MAP4K4: variants seen among roughly 807,000 people sequenced by gnomAD.
The protein encoded by MAP4K4 is mitogen-activated protein kinase kinase kinase kinase 4, also known as HPK/GCK-like kinase HGK.
MAP4K4 carries 38 observed loss-of-function variants against 189.6 expected under a neutral mutation model. The ratio of observed to expected loss-of-function variants is 0.20; its 90% CI spans 0.15 to 0.26. MAP4K4 has a LOEUF of 0.26. MAP4K4 is among the 10% of genes least tolerant of loss of function. MAP4K4 has a pLI of 1.00. For missense variants in MAP4K4, 1,054 were observed against 1,726.9 expected (o/e 0.61, Z 6.91); for synonymous variants, 610 against 624.3 (o/e 0.98, Z 0.34).
At chr2:101,854,439 G>T (rs1305214968) in intron 12 of MAP4K4, among the ~76,000 whole-genome samples, 1 of 152,146 alleles carries the variant, frequency 6.6e-6, no homozygotes, top group East Asian at 1.9e-4. Context: ...GGGAAAAGGA[G>T]ATTCCCCCAT....
intron 25 of MAP4K4, 29 bp downstream of exon 25, chr2:101,873,793 T>C: frequency 3.4e-6 from 5 of 1,471,904 alleles, no homozygotes; most frequent in Non-Finnish European, 4.7e-6. Context: ...AGAAAGCAGC[T>C]GACAAATGGG....
At chr2:101,833,207 A>C (rs1477825283) in intron 7 of MAP4K4, among the ~76,000 whole-genome samples, 1 of 152,054 alleles carries the variant, frequency 6.6e-6, no homozygotes, top group Non-Finnish European at 1.5e-5. Context: ...ATTATTTAGA[A>C]AACCTTTAAA....
At chr2:101,769,453 GA>G (rs1412926523) in intron 2 of MAP4K4, among the ~76,000 whole-genome samples, 1 of 152,188 alleles carries the variant, frequency 6.6e-6, no homozygotes, top group Non-Finnish European at 1.5e-5. Context: ...GGGAGTGGGG[GA>G]GAATGGGAAA....
chr2:101,835,861 A>G, intron 8 of MAP4K4, 39 bp from the exon 9 acceptor site: 1 of 1,331,216 alleles, frequency 7.5e-7, no homozygotes, highest in Non-Finnish European at 1.1e-6. Flanking sequence ...GAATGAGTGA[A>G]ATAAGTGCCA....
chr2:101,873,460 A>T (rs1483372343), intron 24 of MAP4K4, among the ~76,000 whole-genome samples, 187 bp from the exon 25 acceptor site: 2 of 152,138 alleles, frequency 1.3e-5, no homozygotes, highest in Non-Finnish European at 2.9e-5. Flanking sequence ...GTTCCAGGTA[A>T]AGCTGCCCTG....
chr2:101,727,771 CCAG>C (rs2056334815), intron 2 of MAP4K4, among the ~76,000 whole-genome samples: 1 of 152,198 alleles, frequency 6.6e-6, no homozygotes, highest in African/African-American at 2.4e-5. Context: ...GTGTTCAAGA[CCAG>C]CCTGGCCAAC....
At chr2:101,720,892 G>A (rs2051499213) in intron 2 of MAP4K4, among the ~76,000 whole-genome samples, 1 of 152,096 alleles carries the variant, frequency 6.6e-6, no homozygotes, top group Non-Finnish European at 1.5e-5. Context: ...TTTGCATTTT[G>A]TTGCATCAGG....
intron 3 of MAP4K4, among the ~76,000 whole-genome samples, chr2:101,792,625 C>T (rs1233123502): frequency 6.6e-6 from 1 of 151,254 alleles, no homozygotes; most frequent in African/African-American, 2.4e-5. Context: ...CCTCCTCCTC[C>T]TCCTTCTTCT....
intron 2 of MAP4K4, among the ~76,000 whole-genome samples, chr2:101,730,638 C>T (rs1247579615): frequency 1.3e-5 from 2 of 152,102 alleles, no homozygotes; most frequent in African/African-American, 2.4e-5. Flanking sequence ...TCTGTCACCT[C>T]CAGAGCACAT....
rs192396225 is a variant in MAP4K4 at position 101,803,467 on chromosome 2, T to G, written c.180+12691T>G. Among the ~76,000 whole-genome samples the G allele has an allele frequency of 9.2e-5, 14 of 152,342 alleles. No individual in the cohort carries two copies. In the East Asian group the frequency reaches 2.7e-3, roughly 29 times the overall value. ...CCTGTGTCCATTCCTTTGAAACACTTAAAATGGTGAAGTCTTTTAAAAGGA... is the reference window on the plus strand; with the variant it reads ...CCTGTGTCCATTCCTTTGAAACACTGAAAATGGTGAAGTCTTTTAAAAGGA... On this transcript the variant is annotated intron_variant, in intron 3 of 32. Transcript: ENST00000324219.
exon 33 of MAP4K4, chr2:101,892,624 A>G (rs12622613): frequency 0.072 from 21,892 of 304,910 alleles, 989 homozygotes; most frequent in East Asian, 0.11. Flanking sequence ...CACTAAAACT[A>G]TTTTAAGAAT....
intron 12 of MAP4K4, among the ~76,000 whole-genome samples, chr2:101,852,573 C>CT (rs1235719861): frequency 2.6e-5 from 4 of 151,998 alleles, no homozygotes; most frequent in African/African-American, 9.7e-5. Flanking sequence ...TGAAGTTGAA[C>CT]TTTTTATATA....
At chr2:101,738,439 A>C (rs572730265) in intron 2 of MAP4K4, among the ~76,000 whole-genome samples, 1 of 152,302 alleles carries the variant, frequency 6.6e-6, no homozygotes, top group East Asian at 1.9e-4. Flanking sequence ...AAGCAGTAGG[A>C]TGCCTTTTTA....
At chr2:101,892,820 C>A (rs1342580637) in exon 33 of MAP4K4, 1 of 443,246 alleles carries the variant, frequency 2.3e-6, no homozygotes, top group Non-Finnish European at 4.6e-6. Flanking sequence ...TTCATGGCTT[C>A]ATGGTCATCA....
At chr2:101,849,009 C>CA (rs1270753259) in intron 12 of MAP4K4, among the ~76,000 whole-genome samples, 1 of 152,192 alleles carries the variant, frequency 6.6e-6, no homozygotes, top group Non-Finnish European at 1.5e-5. Flanking sequence ...CGCTGCTCTT[C>CA]ATGTGTGTGA....
intron 2 of MAP4K4, among the ~76,000 whole-genome samples, chr2:101,725,387 C>CAAAAAAAAAAAAAAACAA (rs547130880): frequency 9.0e-6 from 1 of 110,950 alleles, no homozygotes; most frequent in Non-Finnish European, 1.9e-5. Context: ...AAAAGATAAG[C>CAAAAAAAAAAAAAAACAA]AAAAAAAAAA....
At chr2:101,873,337 T>C (rs1161776432) in intron 24 of MAP4K4, among the ~76,000 whole-genome samples, 1 of 152,086 alleles carries the variant, frequency 6.6e-6, no homozygotes, top group Non-Finnish European at 1.5e-5. Context: ...ATTATAAGTA[T>C]TTACTTAATT....
At chr2:101,828,373 A>G (rs372907284) in intron 5 of MAP4K4, among the ~76,000 whole-genome samples, 1 of 152,200 alleles carries the variant, frequency 6.6e-6, no homozygotes, top group Admixed American at 6.5e-5. Flanking sequence ...AGCTGAGAGG[A>G]GGTGCTTTGT....
At chr2:101,706,401 A>G (rs2042331157) in intron 2 of MAP4K4, among the ~76,000 whole-genome samples, 2 of 152,222 alleles carry the variant, frequency 1.3e-5, no homozygotes, top group Admixed American at 1.3e-4. Flanking sequence ...CTATGTAAAT[A>G]CCATTTATAT....
Sources: allele counts gnomAD v4.1 joint callset (sites outside exome capture counted in the v4.1 genomes callset), GRCh38; gene constraint gnomAD v4.1.1; transcripts MANE v1.5; gene names NCBI Gene and HGNC (gene_info 2026-07-23, HGNC 2026-07-21).